Variants in RHBDD1 observed in about 807,000 individuals in gnomAD.
The protein encoded by RHBDD1 is rhomboid-related protein 4.
RHBDD1 carries 38 observed loss-of-function variants against 36.3 expected under a neutral mutation model. The ratio of observed to expected loss-of-function variants is 1.05; its 90% CI spans 0.81 to 1.37. The LOEUF is 1.37. Ranked by LOEUF, RHBDD1 falls within the 40% of genes most tolerant of loss-of-function variation. The probability of loss-of-function intolerance (pLI) is 0.00; values close to 1 mark genes in which losing one functional copy is unlikely to be tolerated. For synonymous variants in RHBDD1, 151 were observed against 136.5 expected (o/e 1.11, Z -0.74); for missense variants, 393 against 377.6 (o/e 1.04, Z -0.34).
chr2:226,941,115 C>A (rs1432068142), intron 8 of RHBDD1, among the ~76,000 whole-genome samples: 2 of 151,958 alleles, frequency 1.3e-5, no homozygotes, highest in East Asian at 3.9e-4. Context: ...CCCAGCAAAG[C>A]TTTTTTGTTG....
In RHBDD1 at chr2:226,996,828, CAT is replaced by C. The variant is rs1161458263; in HGVS notation, c.*1310_*1311del. The C allele has an allele frequency of 5.3e-5, 8 of 152,132 alleles. No individual in the cohort carries two copies. Among genetic ancestry groups the C allele is most frequent in the Non-Finnish European group, 1.0e-4 (7 of 68,028 alleles). The allele number at this position is 152,132 out of a possible 1,614,324, so 9.4% of individuals were successfully genotyped here. On this transcript the variant is annotated 3_prime_UTR_variant, in exon 9 of 9. Coordinates refer to ENST00000392062, the MANE Select transcript of RHBDD1 (RefSeq NM_001167608.3). ...ACAATCAGGAAAACATATTTAATAACATATAGTCAAGAAAACAGACTTAAAAA... is the reference window on the plus strand; with the variant it reads ...ACAATCAGGAAAACATATTTAATAACATAGTCAAGAAAACAGACTTAAAAA...
the RHBDD1 span, among the ~76,000 whole-genome samples, chr2:226,819,971 G>C: frequency 9.4e-6 from 1 of 106,540 alleles, no homozygotes; most frequent in Non-Finnish European, 1.7e-5. Context: ...ACTACATATT[G>C]TGTGTGTTTT....
At chr2:226,913,960 ACTACC>A (rs2125704089) in intron 7 of RHBDD1, among the ~76,000 whole-genome samples, 1 of 152,316 alleles carries the variant, frequency 6.6e-6, no homozygotes, top group African/African-American at 2.4e-5. Context: ...AGGACTTCTG[ACTACC>A]CTCTGAATTA....
the RHBDD1 span, among the ~76,000 whole-genome samples, chr2:226,821,928 T>A: frequency 2.0e-5 from 3 of 152,292 alleles, no homozygotes; most frequent in Admixed American, 6.5e-5. Context: ...CTGGAAGAGA[T>A]CCTCTTAGAA....
At chr2:226,966,926 G>A (rs1952681286) in intron 8 of RHBDD1, among the ~76,000 whole-genome samples, 1 of 151,976 alleles carries the variant, frequency 6.6e-6, no homozygotes, top group African/African-American at 2.4e-5. Flanking sequence ...AGCTTTGCGT[G>A]TGAGACCCGG....
At chr2:226,876,241 T>C (rs1453956475) in intron 5 of RHBDD1, among the ~76,000 whole-genome samples, 1 of 152,112 alleles carries the variant, frequency 6.6e-6, no homozygotes, top group Admixed American at 6.6e-5. Flanking sequence ...CCAGGAATAG[T>C]ATAAAGATTT....
At chr2:226,967,224 C>T (rs1201202138) in intron 8 of RHBDD1, among the ~76,000 whole-genome samples, 1 of 152,106 alleles carries the variant, frequency 6.6e-6, no homozygotes, top group East Asian at 1.9e-4. Context: ...CCCAAGTGTA[C>T]CCTCCATACT....
chr2:226,921,101 C>T (rs1034885100), intron 8 of RHBDD1, among the ~76,000 whole-genome samples: 1 of 151,988 alleles, frequency 6.6e-6, no homozygotes, highest in African/African-American at 2.4e-5. Context: ...TTGTGTGTGT[C>T]TAGGAATTTA....
intron 8 of RHBDD1, among the ~76,000 whole-genome samples, chr2:226,984,652 G>C (rs901456523): frequency 1.3e-5 from 2 of 152,210 alleles, no homozygotes; most frequent in Admixed American, 1.3e-4. Context: ...ACGCCCTGGG[G>C]TCGTAGGCTA....
Position 226,865,028 on chromosome 2 carries a change from C to T in RHBDD1, c.335C>T (p.Ser112Phe). The T allele has an allele frequency of 1.2e-6, 2 of 1,614,200 alleles. No individual in the cohort carries two copies. Among genetic ancestry groups the T allele is most frequent in the South Asian group, 1.1e-5 (1 of 91,078 alleles). Reference protein sequence around the residue: ...RWFAYVITAFSVLTGVVYLLL... With the variant: ...RWFAYVITAFFVLTGVVYLLL... ...TTTGCCTATGTTATCACCGCATTTTCTGTACTTACTGGAGTGGTATACCTG... is the reference window on the plus strand; with the variant it reads ...TTTGCCTATGTTATCACCGCATTTTTTGTACTTACTGGAGTGGTATACCTG... Residue 112 changes from serine (S) to phenylalanine (F), a missense_variant, in exon 4 of 9, where the codon TCT becomes TTT. Transcript: ENST00000392062.
chr2:226,905,086 T>C (rs115948889), intron 5 of RHBDD1, among the ~76,000 whole-genome samples: 21 of 152,196 alleles, frequency 1.4e-4, no homozygotes, highest in Non-Finnish European at 2.4e-4. Context: ...GGCTCTTTCA[T>C]AACTTTCAGT....
chr2:226,990,164 T>G (rs891171354), intron 8 of RHBDD1, among the ~76,000 whole-genome samples: 1 of 152,214 alleles, frequency 6.6e-6, no homozygotes, highest in African/African-American at 2.4e-5. Flanking sequence ...ATCTCCCCTT[T>G]TCATGTCTTG....
chr2:226,809,500 A>G, the RHBDD1 span, among the ~76,000 whole-genome samples: 3 of 152,236 alleles, frequency 2.0e-5, no homozygotes, highest in African/African-American at 7.2e-5. Context: ...TTCCTAAATA[A>G]CTTTAACTTG....
chr2:226,872,943 T>C (rs1944908211), intron 5 of RHBDD1, among the ~76,000 whole-genome samples: 1 of 152,240 alleles, frequency 6.6e-6, no homozygotes, highest in Non-Finnish European at 1.5e-5. Flanking sequence ...TCATATATGT[T>C]CCTGATGTGG....
chr2:226,871,667 C>T (rs1468966619), intron 5 of RHBDD1, among the ~76,000 whole-genome samples: 1 of 152,096 alleles, frequency 6.6e-6, no homozygotes, highest in Non-Finnish European at 1.5e-5. Context: ...CTGCTTGTTT[C>T]CTTTGGGGCT....
chr2:226,882,430 C>CAAAAAAAAAAAAAAAA (rs58149634), intron 5 of RHBDD1, among the ~76,000 whole-genome samples: 1 of 57,106 alleles, frequency 1.8e-5, no homozygotes, highest in Non-Finnish European at 3.7e-5. Context: ...GACTTTGCCT[C>CAAAAAAAAAAAAAAAA]AAAAAAAAAA....
the RHBDD1 span, among the ~76,000 whole-genome samples, chr2:226,813,319 A>G: frequency 6.6e-6 from 1 of 152,198 alleles, no homozygotes; most frequent in South Asian, 2.1e-4. Flanking sequence ...TTCAGCAGAG[A>G]GCAGTGGTTT....
At chr2:226,809,424 C>G in the RHBDD1 span, among the ~76,000 whole-genome samples, 1 of 152,308 alleles carries the variant, frequency 6.6e-6, no homozygotes, top group East Asian at 1.9e-4. Flanking sequence ...AAAAGTTCAA[C>G]ATACTCAGAT....
chr2:226,850,979 T>C (rs1281503198), intron 3 of RHBDD1, among the ~76,000 whole-genome samples: 1 of 152,132 alleles, frequency 6.6e-6, no homozygotes, highest in African/African-American at 2.4e-5. Flanking sequence ...CATTGTCTCC[T>C]CTCTGATTAT....
Sources: gnomAD v4.1 joint callset for allele counts (sites outside exome capture counted in the v4.1 genomes callset) on GRCh38, gnomAD v4.1.1 for gene constraint, MANE v1.5 for transcripts, NCBI Gene and HGNC (gene_info 2026-07-23, HGNC 2026-07-21) for gene names.